The following TNNI3K variants were observed in gnomAD, a reference collection of about 807,000 sequenced individuals.
TNNI3K encodes TNNI3 interacting kinase.
In TNNI3K, 140 loss-of-function variants were observed where a neutral mutation model predicts 114.5. That is an observed-to-expected ratio of 1.22 (90% CI 1.07 to 1.41). TNNI3K has a LOEUF of 1.41. TNNI3K is among the 40% of genes most tolerant of loss of function. The pLI, the probability that TNNI3K is intolerant of heterozygous loss-of-function variation, is 0.00. For missense variants in TNNI3K, 1,125 were observed against 1,007.6 expected, an observed-to-expected ratio of 1.12 and a Z score of -1.58; for synonymous variants, 347 against 347.5, an observed-to-expected ratio of 1.00 and a Z score of 0.02.
chr1:74,269,275 T>A (rs1360008935), intron 4 of TNNI3K, among the ~76,000 whole-genome samples: 12 of 151,778 alleles, frequency 7.9e-5, no homozygotes, highest in Non-Finnish European at 1.5e-4. Flanking sequence ...GTCTCTCCAT[T>A]CACGTAAACA....
intron 17 of TNNI3K, among the ~76,000 whole-genome samples, chr1:74,405,540 T>C (rs1664573417): frequency 6.6e-6 from 1 of 151,604 alleles, no homozygotes; most frequent in African/African-American, 2.4e-5. Flanking sequence ...ACTAGAGAGG[T>C]TTTTAAAACT....
chr1:74,347,335 A>AT (rs967746723), intron 9 of TNNI3K, among the ~76,000 whole-genome samples: 35 of 151,658 alleles, frequency 2.3e-4, no homozygotes, highest in Non-Finnish European at 4.4e-4. Flanking sequence ...TGAACTCATC[A>AT]TTTTTTATGG....
intron 7 of TNNI3K, 107 bp from the exon 8 acceptor site, chr1:74,342,735 T>G: frequency 1.4e-6 from 2 of 1,402,416 alleles, no homozygotes; most frequent in Non-Finnish European, 1.9e-6. Flanking sequence ...ACTGGCAATT[T>G]CCAGGAATCA....
chr1:74,530,134 G>T (rs1018357268), intron 23 of TNNI3K, among the ~76,000 whole-genome samples: 1 of 152,074 alleles, frequency 6.6e-6, no homozygotes, highest in Non-Finnish European at 1.5e-5. Flanking sequence ...CAGCCGTTAG[G>T]TGTCTACGTT....
At chr1:74,306,193 A>G (rs1315320523) in intron 5 of TNNI3K, among the ~76,000 whole-genome samples, 1 of 152,148 alleles carries the variant, frequency 6.6e-6, no homozygotes, top group Non-Finnish European at 1.5e-5. Flanking sequence ...AGCTCCATCC[A>G]TGTTGCTGCA....
Position 74,436,055 on chromosome 1 carries a change from C to CTT in TNNI3K, c.1773-6_1773-5dup, listed in dbSNP as rs67642732. The CTT allele has an allele frequency of 3.2e-3, 4,547 of 1,435,990 alleles. 9 individuals carry two copies. The highest frequency in any genetic ancestry group is 0.016 in the African/African-American group (985 of 61,254). The allele number at this position is 1,435,990 out of a possible 1,614,324, so 89.0% of individuals were successfully genotyped here. A position where few individuals can be genotyped will look rare whatever the true frequency, so the allele number is the denominator to read the frequency against. ...CATAGCAAAGCTTACTCAATGTCTA[C>CTT]TTTTTTTTTTTTTTTTTTTTACAGT... On this transcript the variant is annotated intron_variant, in intron 17 of 24. Transcript: ENST00000326637.
chr1:74,306,402 G>A (rs556758228), intron 5 of TNNI3K, among the ~76,000 whole-genome samples: 3 of 152,232 alleles, frequency 2.0e-5, no homozygotes, highest in East Asian at 3.9e-4. Flanking sequence ...CCCAGTAATG[G>A]GATTGCTGGA....
chr1:74,289,184 C>A (rs1205322212), intron 5 of TNNI3K, among the ~76,000 whole-genome samples: 1 of 151,828 alleles, frequency 6.6e-6, no homozygotes, highest in Non-Finnish European at 1.5e-5. Context: ...GAGAAGTAAA[C>A]CAGAGAACTT....
At chr1:74,328,254 G>T (rs1415454981) in intron 5 of TNNI3K, among the ~76,000 whole-genome samples, 2 of 152,092 alleles carry the variant, frequency 1.3e-5, no homozygotes, top group East Asian at 1.9e-4. Flanking sequence ...AATAGATTCA[G>T]TCTGTGACTT....
At chr1:74,287,771 A>G (rs992597583) in intron 5 of TNNI3K, among the ~76,000 whole-genome samples, 39 of 152,180 alleles carry the variant, frequency 2.6e-4, no homozygotes, top group African/African-American at 8.7e-4. Context: ...TAGCAAAAGA[A>G]ACAATCAACA....
chr1:74,534,391 A>G (rs554149335), intron 23 of TNNI3K, among the ~76,000 whole-genome samples: 35 of 152,282 alleles, frequency 2.3e-4, no homozygotes, highest in African/African-American at 6.0e-4. Flanking sequence ...GTCAGAAGCA[A>G]TTGTGGCACT....
chr1:74,543,235 C>A (rs1422592211), intron 24 of TNNI3K, among the ~76,000 whole-genome samples: 1 of 151,606 alleles, frequency 6.6e-6, no homozygotes, highest in Non-Finnish European at 1.5e-5. Flanking sequence ...CCACCACACC[C>A]GGCTATTTTT....
chr1:74,312,406 A>G (rs1434624055), intron 5 of TNNI3K, among the ~76,000 whole-genome samples: 8 of 152,232 alleles, frequency 5.3e-5, no homozygotes, highest in Non-Finnish European at 1.2e-4. Flanking sequence ...GGTTTATCAC[A>G]GAATATGTTT....
chr1:74,490,656 T>C (rs1669022050), intron 22 of TNNI3K, among the ~76,000 whole-genome samples: 1 of 152,208 alleles, frequency 6.6e-6, no homozygotes, highest in Admixed American at 6.5e-5. Context: ...AGGCTTGACT[T>C]GCGCAGTTTC....
chr1:74,271,008 C>T (rs1355407044), intron 4 of TNNI3K, among the ~76,000 whole-genome samples: 1 of 151,568 alleles, frequency 6.6e-6, no homozygotes, highest in African/African-American at 2.4e-5. Context: ...AATAATAGTT[C>T]TAACATATTC....
intron 8 of TNNI3K, 30 bp downstream of exon 8, chr1:74,343,016 T>G: frequency 1.9e-6 from 3 of 1,613,696 alleles, no homozygotes; most frequent in Non-Finnish European, 2.5e-6. Flanking sequence ...CCATAGGTTC[T>G]CCAGGTATAC....
At position 74,471,099 on chromosome 1, in the gene TNNI3K, G is replaced by A. The variant is rs75237842; in HGVS notation, c.2121+7549G>A. ...GCTCAGCATCAGTGGGTGTAGGTTG[G>A]GGCAATTTTGATGTGTTTCCATCAG... On this transcript the variant is annotated intron_variant, in intron 21 of 24. Coordinates refer to ENST00000326637, the MANE Select transcript of TNNI3K (RefSeq NM_015978.3). The A allele has an allele frequency of 7.3e-3, 2,922 of 400,662 alleles. 79 individuals carry two copies. The highest frequency in any genetic ancestry group is 0.055 in the African/African-American group (2,673 of 48,778). 24.8% of individuals were successfully genotyped at this position (400,662 alleles called of 1,614,324 possible).
At chr1:74,250,866 A>C (rs1159452253) in intron 4 of TNNI3K, 97 bp downstream of exon 4, 10 of 1,165,706 alleles carry the variant, frequency 8.6e-6, no homozygotes, top group Non-Finnish European at 1.2e-5. Context: ...TAATCATGGA[A>C]AATTTTCAGT....
chr1:74,299,718 A>G (rs1243756065), intron 5 of TNNI3K, among the ~76,000 whole-genome samples: 1 of 152,166 alleles, frequency 6.6e-6, no homozygotes, highest in East Asian at 1.9e-4. Context: ...GGCAAGAAGC[A>G]TCATGGTGTA....
Sources: gnomAD v4.1 joint callset for allele counts (sites outside exome capture counted in the v4.1 genomes callset) on GRCh38, gnomAD v4.1.1 for gene constraint, MANE v1.5 for transcripts, NCBI Gene and HGNC (gene_info 2026-07-23, HGNC 2026-07-21) for gene names.